Variants in CNTNAP2 observed in about 807,000 individuals in gnomAD.
CNTNAP2 encodes contactin associated protein 2.
In CNTNAP2, 98 loss-of-function variants were observed where a neutral mutation model predicts 155.2. That is an observed-to-expected ratio of 0.63 (90% CI 0.54 to 0.75). The LOEUF (loss-of-function observed/expected upper bound fraction) is 0.75. Ranked by LOEUF, CNTNAP2 falls within the 30% of genes least tolerant of loss-of-function variation. The pLI, the probability that CNTNAP2 is intolerant of heterozygous loss-of-function variation, is 0.00. For missense variants in CNTNAP2, 1,727 were observed against 1,688.1 expected, an observed-to-expected ratio of 1.02 and a Z score of -0.40; for synonymous variants, 651 against 631.2, an observed-to-expected ratio of 1.03 and a Z score of -0.47.
chr7:147,813,176 G>A (rs548038313), intron 13 of CNTNAP2, among the ~76,000 whole-genome samples: 34 of 149,454 alleles, frequency 2.3e-4, no homozygotes, highest in Middle Eastern at 3.6e-3. Flanking sequence ...ATACTATGTC[G>A]AAATGCATTA....
intron 21 of CNTNAP2, among the ~76,000 whole-genome samples, chr7:148,302,336 G>A (rs894215495): frequency 6.6e-6 from 1 of 152,134 alleles, no homozygotes; most frequent in South Asian, 2.1e-4. Flanking sequence ...AACTTGGTTA[G>A]GGGAGAGGAA....
chr7:147,073,680 A>T (rs543275285), intron 4 of CNTNAP2, among the ~76,000 whole-genome samples: 104 of 152,296 alleles, frequency 6.8e-4, no homozygotes, highest in Non-Finnish European at 1.1e-3. Flanking sequence ...GGAAATCTAG[A>T]AGGGAGATGT....
rs1425589233 is a variant in CNTNAP2, at chr7:147,300,274, G to T, written c.1482G>T (p.Glu494Asp). The change falls in exon 9 of 24, where the codon GAG becomes GAT. Residue 494 changes from glutamate to aspartate, a missense_variant. Physicochemically the swap from Glu to Asp is conservative, Grantham distance 45 (BLOSUM62 2). Coordinates refer to ENST00000361727, the MANE Select transcript of CNTNAP2 (RefSeq NM_014141.6). ...GTCCCCTTCAAGTTAAAACTGGCGA[G>T]AAGTACTTTTTTGGAGGTAAGAATG... ...TNSPLQVKTG[E>D]KYFFGGFLNQ... is the part of the protein sequence containing the mutation. 6.2e-7 allele frequency: 1 copy of T among 1,613,838 alleles called. No homozygotes were observed. Among genetic ancestry groups the T allele is most frequent in the Non-Finnish European group, 8.5e-7 (1 of 1,179,856 alleles).
At chr7:146,871,919 A>G (rs1204667448) in intron 3 of CNTNAP2, among the ~76,000 whole-genome samples, 1 of 152,126 alleles carries the variant, frequency 6.6e-6, no homozygotes, top group Admixed American at 6.6e-5. Context: ...TACATCACAT[A>G]TTGCTATTCT....
At chr7:147,980,102 A>G (rs1801496456) in intron 15 of CNTNAP2, among the ~76,000 whole-genome samples, 2 of 152,228 alleles carry the variant, frequency 1.3e-5, no homozygotes, top group Non-Finnish European at 2.9e-5. Context: ...TGCTCTGGAA[A>G]GTAAGAAAAA....
chr7:148,015,097 T>C (rs1210657888), intron 15 of CNTNAP2, among the ~76,000 whole-genome samples: 1 of 152,236 alleles, frequency 6.6e-6, no homozygotes, highest in Non-Finnish European at 1.5e-5. Context: ...TAAACACTTT[T>C]ATTTGTAACA....
intron 3 of CNTNAP2, among the ~76,000 whole-genome samples, chr7:146,947,731 C>T (rs945105021): frequency 3.3e-5 from 5 of 150,858 alleles, no homozygotes; most frequent in African/African-American, 1.2e-4. Flanking sequence ...CATAGCAAAA[C>T]CCTGTTGCTA....
chr7:148,153,611 G>A (rs982844661), intron 17 of CNTNAP2, among the ~76,000 whole-genome samples: 6 of 152,156 alleles, frequency 3.9e-5, no homozygotes, highest in Admixed American at 1.3e-4. Context: ...TTTCTTAGGC[G>A]GTGGAGAAAG....
Position 146,898,710 on chromosome 7 carries a change from A to G in CNTNAP2, c.402+58806A>G, listed in dbSNP as rs911584400. On this transcript the variant is annotated intron_variant, in intron 3 of 23. Coordinates refer to ENST00000361727, the MANE Select transcript of CNTNAP2 (RefSeq NM_014141.6). The stretch of plus-strand genomic sequence containing the variant: ...ATGGCCTCAGTGACAGAGTCCTCAC[A>G]GTCTTCATGTTTTTGTGTGGTTTCT... 1.8e-4 allele frequency among the ~76,000 whole-genome samples: 28 copies of G among 152,150 alleles called. 2 individuals carry two copies. Among genetic ancestry groups the G allele is most frequent in the Admixed American group, 1.7e-3 (26 of 15,280 alleles).
At chr7:148,017,181 G>A (rs892612276) in intron 15 of CNTNAP2, among the ~76,000 whole-genome samples, 1 of 152,172 alleles carries the variant, frequency 6.6e-6, no homozygotes, top group Non-Finnish European at 1.5e-5. Flanking sequence ...TGGTCACTGA[G>A]ACATGCAAAA....
intron 2 of CNTNAP2, among the ~76,000 whole-genome samples, chr7:146,781,578 A>G (rs1326449642): frequency 2.0e-5 from 3 of 151,986 alleles, no homozygotes; most frequent in Admixed American, 6.6e-5. Flanking sequence ...TTACATACAC[A>G]TGTCCCCCTC....
At chr7:147,187,576 G>T (rs10952676) in intron 8 of CNTNAP2, among the ~76,000 whole-genome samples, 81,045 of 151,706 alleles carry the variant, frequency 0.53, 22,195 homozygotes, top group South Asian at 0.7. Context: ...ACATAAATAT[G>T]GGAGCAATAG....
At chr7:146,500,709 G>A (rs77025629) in intron 1 of CNTNAP2, among the ~76,000 whole-genome samples, 12,940 of 152,132 alleles carry the variant, frequency 0.085, 1,463 homozygotes, top group African/African-American at 0.26. Context: ...CGGTACCTTT[G>A]ATTTAATTTT....
intron 9 of CNTNAP2, among the ~76,000 whole-genome samples, chr7:147,363,250 A>G (rs1936161142): frequency 6.6e-6 from 1 of 152,200 alleles, no homozygotes; most frequent in African/African-American, 2.4e-5. Flanking sequence ...TGGTGAGAAG[A>G]TACTGTCAAC....
intron 20 of CNTNAP2, among the ~76,000 whole-genome samples, chr7:148,250,537 G>A (rs958395284): frequency 2.0e-5 from 3 of 152,062 alleles, no homozygotes; most frequent in Non-Finnish European, 4.4e-5. Context: ...CGATGCACTC[G>A]GAGGCCCCTT....
intron 4 of CNTNAP2, among the ~76,000 whole-genome samples, chr7:147,061,071 T>C (rs900700708): frequency 2.2e-5 from 3 of 135,976 alleles, no homozygotes; most frequent in African/African-American, 3.5e-5. Context: ...GCATCTAAAA[T>C]AGTCACATTG....
chr7:147,782,723 T>G (rs575646540), intron 13 of CNTNAP2, among the ~76,000 whole-genome samples: 18 of 152,318 alleles, frequency 1.2e-4, no homozygotes, highest in African/African-American at 4.3e-4. Flanking sequence ...CACAAAAATT[T>G]AGACCACAGC....
chr7:146,597,495 T>C (rs187725057), intron 1 of CNTNAP2, among the ~76,000 whole-genome samples: 355 of 152,216 alleles, frequency 2.3e-3, no homozygotes, highest in Admixed American at 3.9e-3. Flanking sequence ...GGCACATGTA[T>C]AAGTTTTATA....
chr7:147,134,605 TA>T (rs1801442226), intron 8 of CNTNAP2, among the ~76,000 whole-genome samples: 2 of 151,842 alleles, frequency 1.3e-5, no homozygotes, highest in African/African-American at 4.8e-5. Context: ...TTCAACCATT[TA>T]AAAAAGTTAT....
Sources: gnomAD v4.1 joint callset for allele counts (sites outside exome capture counted in the v4.1 genomes callset) on GRCh38, gnomAD v4.1.1 for gene constraint, MANE v1.5 for transcripts, NCBI Gene and HGNC (gene_info 2026-07-23, HGNC 2026-07-21) for gene names.